Variants in WDR33 observed in about 807,000 individuals in gnomAD.
WDR33 encodes the protein pre-mRNA 3' end processing protein WDR33.
Under a neutral mutation model 164.9 loss-of-function variants are expected in WDR33, and 47 were observed. That is an observed-to-expected ratio of 0.29 (90% CI 0.23 to 0.36). The LOEUF (loss-of-function observed/expected upper bound fraction) is 0.36, where lower values mean the gene tolerates loss of function less well. Ranked by LOEUF, WDR33 falls within the 10% of genes least tolerant of loss-of-function variation. WDR33 has a pLI of 1.00. For missense variants in WDR33, 1,137 were observed against 1,754.1 expected, an observed-to-expected ratio of 0.65 and a Z score of 6.28; for synonymous variants, 505 against 589.0, an observed-to-expected ratio of 0.86 and a Z score of 2.06.
chr2:127,768,657 A>G (rs1399748459), intron 3 of WDR33, among the ~76,000 whole-genome samples: 5 of 152,160 alleles, frequency 3.3e-5, no homozygotes, highest in Non-Finnish European at 7.4e-5. Flanking sequence ...TTAACTTTCC[A>G]ATTACAAGAC....
chr2:127,713,286 T>G lies in WDR33; in HGVS notation c.3308+297A>C, dbSNP rs74767873. On this transcript the variant is annotated intron_variant, in intron 18 of 21. Coordinates refer to ENST00000322313, the MANE Select transcript of WDR33 (RefSeq NM_018383.5). This position sits in a 1 kb window ranked among gnomAD's most constrained non-coding sequence, Gnocchi z 6.2. ...TTCTAATCAAGAAGAACCTGGAAATTTTAAGTCAGATCCCAGCAAGTCTTG... is the reference window on the plus strand; with the variant it reads ...TTCTAATCAAGAAGAACCTGGAAATGTTAAGTCAGATCCCAGCAAGTCTTG... Among the ~76,000 whole-genome samples the G allele has an allele frequency of 3.9e-5, 6 of 152,276 alleles. No individual in the cohort carries two copies. In the East Asian group the frequency reaches 9.6e-4, roughly 24 times the overall value.
chr2:127,782,766 T>C (rs1260629945), intron 1 of WDR33, among the ~76,000 whole-genome samples: 1 of 151,902 alleles, frequency 6.6e-6, no homozygotes, highest in African/African-American at 2.4e-5. Context: ...TCCCAACACT[T>C]TGGGAGGCCG....
intron 1 of WDR33, among the ~76,000 whole-genome samples, chr2:127,784,122 G>C (rs1463200937): frequency 6.6e-6 from 1 of 151,808 alleles, no homozygotes; most frequent in African/African-American, 2.4e-5. Flanking sequence ...TTAGTATCTA[G>C]CTTAATTGAA....
chr2:127,712,473 T>C lies in WDR33; in HGVS notation c.3308+1110A>G, dbSNP rs571232671. 2.0e-5 allele frequency among the ~76,000 whole-genome samples: 3 copies of C among 151,460 alleles called. No individual in the cohort carries two copies. The South Asian group carries it at 6.3e-4, about 32-fold the overall frequency. ...AGTAATCAGAGACTATAGTAAAAGCTGAAGTGCTGAACAGCATGGGCCTGA... is the reference window on the plus strand; with the variant it reads ...AGTAATCAGAGACTATAGTAAAAGCCGAAGTGCTGAACAGCATGGGCCTGA... On this transcript the variant is annotated intron_variant, in intron 18 of 21. Coordinates refer to ENST00000322313, the MANE Select transcript of WDR33 (RefSeq NM_018383.5). The surrounding 1 kb of genome is among the most constrained non-coding windows in gnomAD (Gnocchi z 4.0).
chr2:127,805,249 TTTC>T (rs1410046384), intron 1 of WDR33, among the ~76,000 whole-genome samples: 2 of 151,792 alleles, frequency 1.3e-5, no homozygotes, highest in African/African-American at 4.8e-5. Context: ...AGCATTTTTT[TTTC>T]TTTTTTTAAA....
intron 7 of WDR33, among the ~76,000 whole-genome samples, chr2:127,752,380 G>C (rs1467629269): frequency 2.0e-5 from 3 of 151,680 alleles, no homozygotes; most frequent in African/African-American, 7.3e-5. Context: ...CATGAGGTCA[G>C]GAGATCGAGA....
In WDR33 at chr2:127,701,467, C is replaced by A; in HGVS notation, c.*4856G>T. ...ACCAATTGCCGCCCGAAGACCGAAC[C>A]GCTTCAGCGGAGGGCCGGAAGTGAG... On this transcript the variant is annotated 3_prime_UTR_variant, in exon 22 of 22. Coordinates refer to ENST00000322313, the MANE Select transcript of WDR33 (RefSeq NM_018383.5). 2 of 1,238,938 alleles carry A rather than the reference C, an allele frequency of 1.6e-6. No homozygotes were observed. The highest frequency in any genetic ancestry group is 1.6e-5 in the African/African-American group (1 of 64,056). The allele number at this position is 1,238,938 out of a possible 1,614,324, so 76.7% of individuals were successfully genotyped here. A position where few individuals can be genotyped will look rare whatever the true frequency, so the allele number is the denominator to read the frequency against.
intron 7 of WDR33, chr2:127,737,709 T>A: frequency 8.9e-7 from 1 of 1,122,852 alleles, no homozygotes. Flanking sequence ...AAACAAAAGA[T>A]GTTTCAAATG....
In WDR33 at chr2:127,798,367, C is replaced by CAAAA. The variant is rs61568967; in HGVS notation, c.-24+12641_-24+12644dup. ...TAGGCAACAGGGCGAGACACCGTCG[C>CAAAA]AAAAAAAAAAAAAAAAAAAAAAAAA... On this transcript the variant is annotated intron_variant, in intron 1 of 21. Coordinates refer to ENST00000322313, the MANE Select transcript of WDR33 (RefSeq NM_018383.5). Among the ~76,000 whole-genome samples, 8 of 19,278 alleles carry CAAAA rather than the reference C, an allele frequency of 4.1e-4. 1 individual carries two copies. The highest frequency in any genetic ancestry group is 8.2e-4 in the African/African-American group (4 of 4,880). The allele number at this position is 19,278 out of a possible 152,430, so 12.6% of individuals were successfully genotyped here.
intron 8 of WDR33, among the ~76,000 whole-genome samples, chr2:127,725,735 AAATAATAATAATAATAAT>A (rs56352036): frequency 0.016 from 2,240 of 141,090 alleles, 60 homozygotes; most frequent in African/African-American, 0.054. Context: ...CTCTGTCTCA[AAATAATAATAATAATAAT>A]AATAATAATA....
intron 1 of WDR33, among the ~76,000 whole-genome samples, chr2:127,809,949 A>G (rs941781075): frequency 2.0e-5 from 3 of 152,236 alleles, no homozygotes; most frequent in African/African-American, 7.2e-5. Context: ...AATTAAGGCG[A>G]GGAAATGAAA....
Position 127,706,797 on chromosome 2 carries a change from G to C in WDR33, c.3782-245C>G, listed in dbSNP as rs889878225. Among the ~76,000 whole-genome samples, 1 of 152,216 alleles carries C rather than the reference G, an allele frequency of 6.6e-6. No homozygotes were observed. Among genetic ancestry groups the C allele is most frequent in the African/African-American group, 2.4e-5 (1 of 41,458 alleles). On this transcript the variant is annotated intron_variant, in intron 21 of 21. Coordinates refer to ENST00000322313, the MANE Select transcript of WDR33 (RefSeq NM_018383.5). This position sits in a 1 kb window ranked among gnomAD's most constrained non-coding sequence, Gnocchi z 5.1. ...TCCATGCCCCCAGGGCTGTGTGACA[G>C]ACGACAGGAAGCCAAGAGATGAGCA...
intron 7 of WDR33, among the ~76,000 whole-genome samples, chr2:127,752,319 G>A (rs566714954): frequency 5.4e-4 from 82 of 152,242 alleles, no homozygotes; most frequent in African/African-American, 1.5e-3. Flanking sequence ...GGCCGGGCGC[G>A]GTGGCTCACG....
Position 127,722,724 on chromosome 2 carries a change from T to C in WDR33, c.1385A>G (p.Asp462Gly), listed in dbSNP as rs780087198. 3 of 1,613,742 alleles carry C rather than the reference T, an allele frequency of 1.9e-6. No homozygotes were observed. The highest frequency in any genetic ancestry group is 2.5e-6 in the Non-Finnish European group (3 of 1,179,940). The change falls in exon 14 of 22, where the codon GAT becomes GGT. Residue 462 changes from aspartate to glycine, a missense_variant. Around this residue, in one of 9 missense-constraint regions of WDR33, gnomAD observed 75 missense variants for 124.7 expected, o/e 0.60. Coordinates refer to ENST00000322313, the MANE Select transcript of WDR33 (RefSeq NM_018383.5). This position sits in a 1 kb window ranked among gnomAD's most constrained non-coding sequence, Gnocchi z 5.1. ...TGTCATTTCAATTTCATTTGATTCA[T>C]CTTTCCCTGTAACCGTAAAGAAAAG... The part of the protein sequence containing the change: ...LAMEQEQMGK[D>G]ESNEIEMTIP...
chr2:127,737,025 ATCT>A, intron 7 of WDR33: 1 of 985,432 alleles, frequency 1.0e-6, no homozygotes, highest in Non-Finnish European at 1.2e-6. Context: ...ATGTGTGTCA[ATCT>A]TCTATATTCT....
chr2:127,809,641 G>A (rs2104698377), intron 1 of WDR33, among the ~76,000 whole-genome samples: 1 of 152,018 alleles, frequency 6.6e-6, no homozygotes, highest in Non-Finnish European at 1.5e-5. Flanking sequence ...CCGCCATGTT[G>A]GTCAGGCTGG....
rs55916728 is a variant in WDR33 at position 127,770,934 on chromosome 2, C to T, written c.48G>A (p.Arg16=). ...GCTGTCGAGGTGCCTGGTGCTGGAA[C>T]CTTGGCATATGGAAAAAACGAGGAG... ...GSPPRFFHMP[R]FQHQAPRQLF... The change falls in exon 2 of 22, where the codon AGG becomes AGA. Residue 16 remains arginine (R), a synonymous_variant. Coordinates refer to ENST00000322313, the MANE Select transcript of WDR33 (RefSeq NM_018383.5). The surrounding 1 kb of genome is among the most constrained non-coding windows in gnomAD (Gnocchi z 4.9). 66,437 of 1,613,952 alleles carry T rather than the reference C, an allele frequency of 0.041. 1,925 individuals are homozygous for T. The highest frequency in any genetic ancestry group is 0.046 in the Non-Finnish European group (54,429 of 1,179,984).
chr2:127,754,667 C>T (rs1316625756), intron 7 of WDR33, among the ~76,000 whole-genome samples: 1 of 149,422 alleles, frequency 6.7e-6, no homozygotes, highest in Admixed American at 6.7e-5. Context: ...AAGCAACCTT[C>T]CCACCTTAGC....
At position 127,718,492 on chromosome 2, in the gene WDR33, A is replaced by T. The variant is rs1686349031; in HGVS notation, c.2760+773T>A. 6.6e-6 allele frequency among the ~76,000 whole-genome samples: 1 copy of T among 152,152 alleles called. No homozygotes were observed. Among genetic ancestry groups the T allele is most frequent in the Non-Finnish European group, 1.5e-5 (1 of 68,022 alleles). On this transcript the variant is annotated intron_variant, in intron 16 of 21. Transcript: ENST00000322313. This position sits in a 1 kb window ranked among gnomAD's most constrained non-coding sequence, Gnocchi z 4.4. ...TTTATGCTCATGCAATTCTTTTCGT[A>T]ATTCACTCCCCCAAGCAACCTGAAC...
Sources: allele counts gnomAD v4.1 joint callset (sites outside exome capture counted in the v4.1 genomes callset), GRCh38; gene constraint gnomAD v4.1.1; regional missense constraint gnomAD v4.1.1; non-coding constraint Gnocchi (gnomAD v3.1); transcripts MANE v1.5; gene names NCBI Gene and HGNC (gene_info 2026-07-23, HGNC 2026-07-21).